Variants in CNTN4 observed in about 807,000 individuals in gnomAD.
The protein encoded by CNTN4 is contactin-4.
CNTN4 carries 77 observed loss-of-function variants against 122.5 expected under a neutral mutation model. The observed-to-expected ratio is 0.63, with a 90% CI of 0.52 to 0.76. CNTN4 has a LOEUF of 0.76. CNTN4 is among the 30% of genes least tolerant of loss of function. CNTN4 has a pLI of 0.00. For missense variants in CNTN4, 1,256 were observed against 1,259.1 expected, an observed-to-expected ratio of 1.00 and a Z score of 0.04; for synonymous variants, 512 against 447.0, an observed-to-expected ratio of 1.15 and a Z score of -1.83.
chr3:2,849,056 C>T (rs1178421720), intron 7 of CNTN4, among the ~76,000 whole-genome samples: 6 of 152,192 alleles, frequency 3.9e-5, no homozygotes, highest in African/African-American at 1.4e-4. Context: ...TAGGGTTGCA[C>T]CCCAGGATCC....
At chr3:2,292,027 C>T (rs68171741) in intron 2 of CNTN4, among the ~76,000 whole-genome samples, 34,985 of 152,062 alleles carry the variant, frequency 0.23, 5,043 homozygotes, top group Admixed American at 0.32. Context: ...TGAGCCACCG[C>T]GCCTGGCGAA....
chr3:2,651,232 C>G (rs1265198693), intron 4 of CNTN4, among the ~76,000 whole-genome samples: 1 of 152,096 alleles, frequency 6.6e-6, no homozygotes, highest in Non-Finnish European at 1.5e-5. Context: ...TCTTTTTGAG[C>G]CTCTTTCCTT....
chr3:2,294,709 G>C (rs574661914), intron 2 of CNTN4, among the ~76,000 whole-genome samples: 71 of 152,140 alleles, frequency 4.7e-4, no homozygotes, highest in African/African-American at 1.6e-3. Context: ...TAAGTTTTAG[G>C]GTACATGTGC....
At chr3:2,682,159 G>A (rs2085197958) in intron 4 of CNTN4, among the ~76,000 whole-genome samples, 1 of 152,204 alleles carries the variant, frequency 6.6e-6, no homozygotes, top group South Asian at 2.1e-4. Context: ...AGTACCTGTT[G>A]TCTACAGATA....
intron 13 of CNTN4, among the ~76,000 whole-genome samples, chr3:2,967,129 G>T (rs1692399926): frequency 6.6e-6 from 1 of 152,142 alleles, no homozygotes; most frequent in South Asian, 2.1e-4. Flanking sequence ...AATTTGGTGG[G>T]TTGGTGGGGA....
chr3:2,938,339 T>A (rs1174589348), intron 13 of CNTN4, among the ~76,000 whole-genome samples: 10 of 152,214 alleles, frequency 6.6e-5, no homozygotes, highest in Non-Finnish European at 1.5e-4. Context: ...GCGCTTGTTT[T>A]TTTTTTAGTC....
At chr3:2,700,397 C>T (rs1303253044) in intron 4 of CNTN4, among the ~76,000 whole-genome samples, 1 of 152,042 alleles carries the variant, frequency 6.6e-6, no homozygotes, top group Non-Finnish European at 1.5e-5. Context: ...AGAGGGTGAC[C>T]AATGAATGCA....
chr3:2,933,280 A>G (rs1384581869), intron 13 of CNTN4, among the ~76,000 whole-genome samples: 1 of 152,158 alleles, frequency 6.6e-6, no homozygotes. Flanking sequence ...TGGGAAGATA[A>G]GCTGGTAATT....
intron 14 of CNTN4, among the ~76,000 whole-genome samples, chr3:2,998,521 T>C (rs1484452029): frequency 1.3e-5 from 2 of 152,016 alleles, no homozygotes; most frequent in African/African-American, 4.8e-5. Context: ...TAGGAGTAGA[T>C]ACTGATAAAC....
chr3:2,900,802 G>A lies in CNTN4; in HGVS notation c.1058G>A (p.Gly353Asp). The A allele has an allele frequency of 6.2e-7, 1 of 1,613,878 alleles. No homozygotes were observed. The highest frequency in any genetic ancestry group is 8.5e-7 in the Non-Finnish European group (1 of 1,179,780). The change falls in exon 11 of 25, where the codon GGC (glycine) becomes GAC (aspartate). Residue 353 changes from glycine to aspartate, a missense_variant. Coordinates refer to ENST00000418658, the MANE Select transcript of CNTN4 (RefSeq NM_175607.3). ...CCTACATACAAGTGGCTAAAAAATGGCGAACCTCTGCTAACTCGGGTAAGC... is the reference window on the plus strand; with the variant it reads ...CCTACATACAAGTGGCTAAAAAATGACGAACCTCTGCTAACTCGGGTAAGC... ...PKPTYKWLKN[G>D]EPLLTRDRIQ...
chr3:2,812,621 T>C (rs2092640541), intron 6 of CNTN4, among the ~76,000 whole-genome samples: 1 of 152,184 alleles, frequency 6.6e-6, no homozygotes, highest in Non-Finnish European at 1.5e-5. Context: ...ACTCTAATGT[T>C]ACTTTATCCG....
chr3:2,983,918 C>T (rs2125238921), intron 13 of CNTN4, among the ~76,000 whole-genome samples: 1 of 152,312 alleles, frequency 6.6e-6, no homozygotes, highest in Non-Finnish European at 1.5e-5. Flanking sequence ...AAAATTACCC[C>T]TTCTACAAAT....
At chr3:2,858,648 A>C (rs1278169531) in intron 7 of CNTN4, among the ~76,000 whole-genome samples, 1 of 151,974 alleles carries the variant, frequency 6.6e-6, no homozygotes. Flanking sequence ...ACTTGAACCC[A>C]GGTGGTGGAG....
intron 2 of CNTN4, among the ~76,000 whole-genome samples, chr3:2,262,633 T>A (rs2040881518): frequency 6.6e-6 from 1 of 151,682 alleles, no homozygotes; most frequent in African/African-American, 2.4e-5. Flanking sequence ...TTCCGTGTTT[T>A]TTTTTTTTTG....
Position 2,735,111 on chromosome 3 carries a change from C to G in CNTN4, c.56-1104C>G, listed in dbSNP as rs115581239. Among the ~76,000 whole-genome samples the G allele has an allele frequency of 5.3e-3, 807 of 152,116 alleles. 8 individuals are homozygous for G. Among genetic ancestry groups the G allele is most frequent in the African/African-American group, 0.018 (762 of 41,472 alleles). ...TCATGCTTTCAAAGAGCTTATAATCCAAACAAGGGAAAATAAAGTGTACTC... is the reference window on the plus strand; with the variant it reads ...TCATGCTTTCAAAGAGCTTATAATCGAAACAAGGGAAAATAAAGTGTACTC... On this transcript the variant is annotated intron_variant, in intron 4 of 24. Transcript: ENST00000418658.
intron 2 of CNTN4, among the ~76,000 whole-genome samples, chr3:2,241,743 G>T (rs1337621638): frequency 6.6e-6 from 1 of 152,014 alleles, no homozygotes; most frequent in East Asian, 1.9e-4. Flanking sequence ...TCCCTCCTTT[G>T]ACACAAGTCA....
chr3:2,756,514 G>A (rs1265606134), intron 6 of CNTN4, among the ~76,000 whole-genome samples: 1 of 152,140 alleles, frequency 6.6e-6, no homozygotes, highest in Non-Finnish European at 1.5e-5. Flanking sequence ...CCAGTCTATT[G>A]TGTTATAGCA....
rs138437842 is a variant in CNTN4 at position 2,786,124 on chromosome 3, C to T, written c.359-33362C>T. Among the ~76,000 whole-genome samples the T allele has an allele frequency of 3.7e-3, 570 of 152,088 alleles. 3 individuals carry two copies. The highest frequency in any genetic ancestry group is 0.013 in the African/African-American group (548 of 41,494). ...TTCCCCTCCATCCCCTTTCCAGCCC[C>T]CGCTTCCTGCTGGGAGCCACTTTCA... On this transcript the variant is annotated intron_variant, in intron 6 of 24. Transcript: ENST00000418658.
chr3:2,571,284 T>C, intron 3 of CNTN4, 132 bp from the exon 4 acceptor site: 1 of 597,988 alleles, frequency 1.7e-6, no homozygotes, highest in Non-Finnish European at 3.0e-6. Context: ...TAATTTAACA[T>C]GTCCCTTTCT....
Sources: allele counts gnomAD v4.1 joint callset (sites outside exome capture counted in the v4.1 genomes callset), GRCh38; gene constraint gnomAD v4.1.1; transcripts MANE v1.5; gene names NCBI Gene and HGNC (gene_info 2026-07-23, HGNC 2026-07-21).